ZNF469: variants seen among roughly 807,000 people sequenced by gnomAD.
The protein encoded by ZNF469 is zinc finger protein 469.
Under a neutral mutation model 1.0 loss-of-function variants are expected in ZNF469, and 1 was observed. The observed-to-expected ratio is 1.00, with a 90% CI of 0.35 to 4.73. ZNF469 has a LOEUF of 4.73. Among genes scored for constraint, ZNF469 ranks in the 30% most tolerant of loss-of-function variants. ZNF469 has a pLI of 0.16. For missense variants in ZNF469, 6,100 were observed against 5,356.3 expected, an observed-to-expected ratio of 1.14 and a Z score of -4.33; for synonymous variants, 2,703 against 2,363.4, an observed-to-expected ratio of 1.14 and a Z score of -4.17.
the ZNF469 span, among the ~76,000 whole-genome samples, chr16:88,374,834 G>A: frequency 1.3e-5 from 2 of 152,222 alleles, no homozygotes; most frequent in African/African-American, 2.4e-5. Flanking sequence ...GCTCTGAGGC[G>A]TGCTGGTTTT....
chr16:88,138,819 G>T, the ZNF469 span, among the ~76,000 whole-genome samples: 1 of 152,220 alleles, frequency 6.6e-6, no homozygotes, highest in Non-Finnish European at 1.5e-5. Flanking sequence ...CAAGGGTGTT[G>T]GCCTTGCTGC....
the ZNF469 span, among the ~76,000 whole-genome samples, chr16:88,259,607 A>G: frequency 6.6e-6 from 1 of 152,066 alleles, no homozygotes; most frequent in Non-Finnish European, 1.5e-5. The surrounding 1 kb of genome is among the most constrained non-coding windows in gnomAD (Gnocchi z 4.1). Flanking sequence ...CAGAATCCCT[A>G]TGAGCCCCAG....
the ZNF469 span, among the ~76,000 whole-genome samples, chr16:88,364,662 C>T: frequency 6.6e-6 from 1 of 152,142 alleles, no homozygotes; most frequent in Non-Finnish European, 1.5e-5. Flanking sequence ...GTGCCATTTT[C>T]TACATAAAAG....
chr16:88,213,199 C>T, the ZNF469 span, among the ~76,000 whole-genome samples: 26 of 151,976 alleles, frequency 1.7e-4, no homozygotes, highest in African/African-American at 5.8e-4. Flanking sequence ...CCCTGGTTCA[C>T]GCCACTCTCC....
chr16:88,378,886 G>T (rs774044763), upstream of ZNF469, among the ~76,000 whole-genome samples: 1 of 152,216 alleles, frequency 6.6e-6, no homozygotes, highest in Non-Finnish European at 1.5e-5. Flanking sequence ...TCTGGTCCTC[G>T]CTCGGAGGTC....
At chr16:88,217,073 G>A in the ZNF469 span, among the ~76,000 whole-genome samples, 1 of 152,154 alleles carries the variant, frequency 6.6e-6, no homozygotes, top group African/African-American at 2.4e-5. Context: ...CTCTGTATCT[G>A]CTTCTAAGTT....
chr16:88,175,342 G>A, the ZNF469 span, among the ~76,000 whole-genome samples: 1 of 152,188 alleles, frequency 6.6e-6, no homozygotes, highest in African/African-American at 2.4e-5. Context: ...CCTGAAGAAC[G>A]TTACCAATCA....
At chr16:88,355,951 G>A in the ZNF469 span, among the ~76,000 whole-genome samples, 3 of 152,142 alleles carry the variant, frequency 2.0e-5, no homozygotes, top group Non-Finnish European at 2.9e-5. Context: ...TACACAGAAG[G>A]GGGTTTTAAA....
intron 1 of ZNF469, among the ~76,000 whole-genome samples, chr16:88,423,850 G>A (rs896506128): frequency 1.3e-5 from 2 of 152,246 alleles, no homozygotes; most frequent in African/African-American, 4.8e-5. Context: ...GTGCCTTTTA[G>A]GGCCCAATCT....
chr16:88,367,996 A>G, the ZNF469 span, among the ~76,000 whole-genome samples: 1 of 151,996 alleles, frequency 6.6e-6, no homozygotes, highest in African/African-American at 2.4e-5. Context: ...CCCGATCTCA[A>G]CTCCACTCCA....
At chr16:88,149,188 A>C in the ZNF469 span, among the ~76,000 whole-genome samples, 1 of 152,294 alleles carries the variant, frequency 6.6e-6, no homozygotes, top group East Asian at 1.9e-4. Context: ...ATATTGTGGA[A>C]CTTCTCCTTG....
intron 1 of ZNF469, among the ~76,000 whole-genome samples, chr16:88,416,724 G>T (rs1293109203): frequency 6.6e-6 from 1 of 152,208 alleles, no homozygotes; most frequent in Non-Finnish European, 1.5e-5. Flanking sequence ...GGGAGGGATG[G>T]TAACAACCTT....
the ZNF469 span, among the ~76,000 whole-genome samples, chr16:88,233,663 C>G: frequency 3.4e-3 from 513 of 152,358 alleles, 3 homozygotes; most frequent in African/African-American, 0.012. Context: ...AGCCCCATGA[C>G]TCTCCCACTC....
At chr16:88,184,195 C>G in the ZNF469 span, among the ~76,000 whole-genome samples, 2 of 152,096 alleles carry the variant, frequency 1.3e-5, no homozygotes, top group African/African-American at 4.8e-5. Context: ...ATTCTAGAGC[C>G]CCTAACTCAG....
chr16:88,373,360 C>G, the ZNF469 span, among the ~76,000 whole-genome samples: 1 of 152,066 alleles, frequency 6.6e-6, no homozygotes, highest in Non-Finnish European at 1.5e-5. Flanking sequence ...TGGAATGAAG[C>G]CAGGATGCCT....
the ZNF469 span, among the ~76,000 whole-genome samples, chr16:88,371,567 C>G: frequency 2.0e-5 from 3 of 152,174 alleles, no homozygotes; most frequent in Non-Finnish European, 4.4e-5. Flanking sequence ...AGCTCCACCC[C>G]GGTTCTAGAT....
intron 1 of ZNF469, among the ~76,000 whole-genome samples, chr16:88,383,726 G>T (rs1388784746): frequency 6.6e-6 from 1 of 151,670 alleles, no homozygotes; most frequent in Non-Finnish European, 1.5e-5. Flanking sequence ...CCGCCCGGGC[G>T]TGCTGGCCCC....
chr16:88,139,392 C>T, the ZNF469 span, among the ~76,000 whole-genome samples: 1 of 132,572 alleles, frequency 7.5e-6, no homozygotes, highest in Non-Finnish European at 1.6e-5. Context: ...AACCTTTTTG[C>T]CCCTTGGCCT....
At chr16:88,316,155 C>T in the ZNF469 span, among the ~76,000 whole-genome samples, 1 of 152,246 alleles carries the variant, frequency 6.6e-6, no homozygotes, top group Non-Finnish European at 1.5e-5. Context: ...CCCCCAGGTC[C>T]GTCCTCCTCA....
Sources: allele counts gnomAD v4.1 joint callset (sites outside exome capture counted in the v4.1 genomes callset), GRCh38; gene constraint gnomAD v4.1.1; non-coding constraint Gnocchi (gnomAD v3.1); transcripts MANE v1.5; gene names NCBI Gene and HGNC (gene_info 2026-07-23, HGNC 2026-07-21).